Variants in MAST2 observed in about 807,000 individuals in gnomAD.
MAST2 encodes the protein microtubule associated serine/threonine kinase 2, also known as microtubule-associated serine/threonine-protein kinase 2.
Under a neutral mutation model 147.4 loss-of-function variants are expected in MAST2, and 70 were observed. That is an observed-to-expected ratio of 0.47 (90% CI 0.39 to 0.58). The LOEUF is 0.58. Ranked by LOEUF, MAST2 falls within the 20% of genes least tolerant of loss-of-function variation. The pLI is 0.00. For synonymous variants in MAST2, 869 were observed against 896.8 expected, an observed-to-expected ratio of 0.97 and a Z score of 0.55; for missense variants, 2,080 against 2,302.3, an observed-to-expected ratio of 0.90 and a Z score of 1.98.
At chr1:45,928,563 C>T (rs913337131) in intron 4 of MAST2, among the ~76,000 whole-genome samples, 2 of 120,838 alleles carry the variant, frequency 1.7e-5, no homozygotes, top group African/African-American at 5.9e-5. Flanking sequence ...TCTGATCACT[C>T]TTTCTTTTTT....
chr1:45,873,565 A>G (rs1646484274), intron 3 of MAST2, among the ~76,000 whole-genome samples: 1 of 152,176 alleles, frequency 6.6e-6, no homozygotes, highest in Admixed American at 6.5e-5. Context: ...ATTCAAGCCT[A>G]GGAATAACTT....
chr1:45,821,922 T>C (rs988122749), intron 1 of MAST2, among the ~76,000 whole-genome samples: 1 of 138,984 alleles, frequency 7.2e-6, no homozygotes, highest in Non-Finnish European at 1.5e-5. Context: ...AGAGTGTTGC[T>C]CTGTCACCCA....
Position 46,029,888 on chromosome 1 carries a change from T to C in MAST2, c.2378T>C (p.Leu793Pro). ...TTTACTGGTCTGGACTGGACAGGAC[T>C]TCTCCGCCAGAAGGCTGAATTTATT... The part of the protein sequence containing the change: ...PFFTGLDWTG[L>P]LRQKAEFIPQ... The change falls in exon 20 of 29, where the codon CTT becomes CCT. Residue 793 changes from leucine (L) to proline (P), a missense_variant. Transcript: ENST00000361297. 6.2e-7 allele frequency: 1 copy of C among 1,614,222 alleles called. No individual in the cohort carries two copies. The highest frequency in any genetic ancestry group is 8.5e-7 in the Non-Finnish European group (1 of 1,180,032).
chr1:46,021,343 C>G (rs1646171596), intron 11 of MAST2, among the ~76,000 whole-genome samples: 1 of 152,180 alleles, frequency 6.6e-6, no homozygotes, highest in Non-Finnish European at 1.5e-5. Flanking sequence ...CTGTTCCTTC[C>G]TACTACTGTG....
chr1:45,945,370 G>A (rs939772478), intron 4 of MAST2, among the ~76,000 whole-genome samples: 1 of 152,084 alleles, frequency 6.6e-6, no homozygotes, highest in Non-Finnish European at 1.5e-5. Flanking sequence ...AAAAAATTGA[G>A]GGTAAAAGAA....
At chr1:45,935,764 A>C (rs569058335) in intron 4 of MAST2, among the ~76,000 whole-genome samples, 4 of 152,332 alleles carry the variant, frequency 2.6e-5, no homozygotes, top group South Asian at 4.1e-4. Flanking sequence ...GTTTTGTACC[A>C]GTACTATGCT....
At chr1:45,876,564 T>C (rs1448281070) in intron 3 of MAST2, among the ~76,000 whole-genome samples, 2 of 152,214 alleles carry the variant, frequency 1.3e-5, no homozygotes, top group African/African-American at 4.8e-5. Flanking sequence ...AAATAATTTA[T>C]GGTTATCTGT....
At chr1:45,847,499 CT>C (rs977766666) in intron 3 of MAST2, 6 of 783,104 alleles carry the variant, frequency 7.7e-6, no homozygotes, top group Non-Finnish European at 1.0e-5. Context: ...TCAATTTTTC[CT>C]TTTTTTCTTA....
intron 4 of MAST2, among the ~76,000 whole-genome samples, chr1:45,949,872 G>A (rs983242484): frequency 3.3e-5 from 5 of 152,170 alleles, no homozygotes; most frequent in Admixed American, 1.3e-4. Context: ...TATATACCAT[G>A]GAATGTTATG....
At chr1:45,913,510 A>T in intron 4 of MAST2, 1 of 857,784 alleles carries the variant, frequency 1.2e-6, no homozygotes. Context: ...TCACTGACGC[A>T]GGAACAAGGT....
intron 5 of MAST2, among the ~76,000 whole-genome samples, chr1:45,994,274 C>CTTTTTTT (rs869216588): frequency 0.094 from 5,840 of 61,924 alleles, 813 homozygotes; most frequent in East Asian, 0.12. Context: ...CCCTAACCCT[C>CTTTTTTT]TTTTTTTTTT....
rs375642991 is a variant in MAST2, at chr1:46,024,091, C to T, written c.1780+111C>T. ...GGTGAAGTTTCAGGGCCCAGCTTTC[C>T]AGTCCACCTTTGGCATTGGTTTCTG... On this transcript the variant is annotated intron_variant, in intron 15 of 28. Coordinates refer to ENST00000361297, the MANE Select transcript of MAST2 (RefSeq NM_015112.3). 48 of 1,038,996 alleles carry T rather than the reference C, an allele frequency of 4.6e-5. No homozygotes were observed. In the African/African-American group the frequency reaches 5.5e-4, roughly 12 times the overall value. The allele number at this position is 1,038,996 out of a possible 1,614,324, so 64.4% of individuals were successfully genotyped here.
At chr1:45,896,273 C>T (rs1305295683) in intron 4 of MAST2, among the ~76,000 whole-genome samples, 1 of 152,080 alleles carries the variant, frequency 6.6e-6, no homozygotes, top group South Asian at 2.1e-4. Context: ...TCAAGTGATC[C>T]GCCCTCCTTG....
chr1:45,894,069 A>G (rs1648309584), intron 4 of MAST2, among the ~76,000 whole-genome samples: 1 of 152,100 alleles, frequency 6.6e-6, no homozygotes, highest in African/African-American at 2.4e-5. Flanking sequence ...TGTAAAAGTT[A>G]GCTGGACGTG....
intron 3 of MAST2, among the ~76,000 whole-genome samples, chr1:45,879,284 C>T (rs144015453): frequency 2.0e-5 from 3 of 152,176 alleles, no homozygotes; most frequent in African/African-American, 7.2e-5. Context: ...CATCAAAAGG[C>T]TCTACTGGCC....
intron 3 of MAST2, among the ~76,000 whole-genome samples, chr1:45,853,631 G>A (rs377165909): frequency 1.2e-4 from 19 of 152,316 alleles, no homozygotes; most frequent in African/African-American, 4.3e-4. Flanking sequence ...TGGGATTACA[G>A]GCGTGAGCCA....
chr1:46,029,118 C>T (rs1646532414), intron 18 of MAST2, 185 bp downstream of exon 18: 4 of 642,018 alleles, frequency 6.2e-6, no homozygotes, highest in South Asian at 4.7e-5. Flanking sequence ...ACACTGTGTC[C>T]CTTGGGGCTT....
At chr1:45,881,919 G>C (rs1240082742) in intron 3 of MAST2, among the ~76,000 whole-genome samples, 1 of 143,618 alleles carries the variant, frequency 7.0e-6, no homozygotes, top group African/African-American at 2.6e-5. Context: ...GCTCACACCT[G>C]TAATCCCAGT....
intron 4 of MAST2, among the ~76,000 whole-genome samples, chr1:45,911,445 A>G (rs1391653830): frequency 1.3e-5 from 2 of 152,176 alleles, no homozygotes; most frequent in African/African-American, 4.8e-5. Flanking sequence ...CTGCTCTTCA[A>G]TATATGCAGA....
Sources: allele counts gnomAD v4.1 joint callset (sites outside exome capture counted in the v4.1 genomes callset), GRCh38; gene constraint gnomAD v4.1.1; transcripts MANE v1.5; gene names NCBI Gene and HGNC (gene_info 2026-07-23, HGNC 2026-07-21).